Variants in GPM6B observed in about 807,000 individuals in gnomAD.
GPM6B encodes the protein glycoprotein M6B, also known as neuronal membrane glycoprotein M6-b.
Under a neutral mutation model 27.2 loss-of-function variants are expected in GPM6B, and 4 were observed. The observed-to-expected ratio is 0.15, with a 90% CI of 0.07 to 0.34. The LOEUF (loss-of-function observed/expected upper bound fraction) is 0.34, where lower values mean the gene tolerates loss of function less well. GPM6B is among the 10% of genes least tolerant of loss of function. The pLI, the probability that GPM6B is intolerant of heterozygous loss-of-function variation, is 1.00. For synonymous variants in GPM6B, 124 were observed against 103.1 expected (o/e 1.20, Z -1.23); for missense variants, 183 against 261.9 (o/e 0.70, Z 2.08).
At chrX:13,836,329 G>C (rs1377484862) in intron 1 of GPM6B, among the ~76,000 whole-genome samples, 1 of 111,614 alleles carries the variant, frequency 9.0e-6, no homozygotes, top group African/African-American at 3.3e-5. Context: ...GAAGACTCCA[G>C]ACCTTAATTT....
chrX:13,780,096 C>T (rs998292517), intron 4 of GPM6B, 107 bp from the exon 5 acceptor site: 30 of 626,810 alleles, frequency 4.8e-5, no homozygotes, highest in Non-Finnish European at 6.5e-5. Flanking sequence ...CTGTGGAACA[C>T]ATTGTGGGGA....
chrX:13,863,732 G>A (rs1375940065), intron 1 of GPM6B, among the ~76,000 whole-genome samples: 4 of 112,118 alleles, frequency 3.6e-5, no homozygotes, highest in African/African-American at 9.7e-5. Flanking sequence ...TCTTCCCACA[G>A]AAAGACTGCC....
At chrX:13,924,140 T>C (rs771229347) in intron 1 of GPM6B, among the ~76,000 whole-genome samples, 1 of 112,059 alleles carries the variant, frequency 8.9e-6, no homozygotes, top group South Asian at 3.8e-4. Context: ...AGAGTACAAT[T>C]GCTACACAGC....
chrX:13,927,233 T>C (rs183947496), intron 1 of GPM6B, among the ~76,000 whole-genome samples: 43 of 111,110 alleles, frequency 3.9e-4, no homozygotes, highest in African/African-American at 1.3e-3. Context: ...AATGTGACAA[T>C]AGCAAATGCT....
intron 1 of GPM6B, among the ~76,000 whole-genome samples, chrX:13,892,869 C>T (rs963782183): frequency 9.0e-6 from 1 of 111,685 alleles, no homozygotes; most frequent in African/African-American, 3.3e-5. Context: ...TGGGCAAGAT[C>T]CCATGTCTCT....
chrX:13,836,688 T>C (rs2049498114), intron 1 of GPM6B, among the ~76,000 whole-genome samples: 1 of 112,658 alleles, frequency 8.9e-6, no homozygotes, highest in South Asian at 3.6e-4. Context: ...TAGAATGCAA[T>C]TAACATTCCT....
upstream of GPM6B, chrX:13,938,460 G>A: frequency 2.3e-6 from 2 of 872,710 alleles, no homozygotes; most frequent in Non-Finnish European, 1.4e-6. Context: ...TCCCGGGGCG[G>A]GGGCGCGAGA....
chrX:13,926,313 C>T (rs1921193566), intron 1 of GPM6B, among the ~76,000 whole-genome samples: 1 of 107,372 alleles, frequency 9.3e-6, no homozygotes, highest in African/African-American at 3.4e-5. Context: ...GAGGCTGAAG[C>T]AGGACAATGG....
At chrX:13,817,182 G>A, upstream of GPM6B, 1 of 907,258 alleles carries the variant, frequency 1.1e-6, no homozygotes, top group East Asian at 5.1e-5. Flanking sequence ...TCGGCGCCCG[G>A]TGGTGCCTAC....
intron 1 of GPM6B, among the ~76,000 whole-genome samples, chrX:13,866,327 C>T (rs181137471): frequency 8.9e-6 from 1 of 112,390 alleles, no homozygotes; most frequent in East Asian, 2.8e-4. Context: ...CGCGCCATTG[C>T]ACTCCAGTCT....
intron 5 of GPM6B, among the ~76,000 whole-genome samples, chrX:13,777,960 T>C (rs957583353): frequency 8.9e-6 from 1 of 112,288 alleles, no homozygotes; most frequent in African/African-American, 3.2e-5. Flanking sequence ...TAAAAAACTC[T>C]GGATTTGTAC....
intron 1 of GPM6B, among the ~76,000 whole-genome samples, chrX:13,924,272 T>C (rs1196349078): frequency 1.8e-5 from 2 of 112,078 alleles, no homozygotes; most frequent in Admixed American, 9.5e-5. Flanking sequence ...AAGTATTTGG[T>C]GAATGGATAA....
chrX:13,921,582 T>TTC (rs1317804691), intron 1 of GPM6B, among the ~76,000 whole-genome samples: 7 of 16,729 alleles, frequency 4.2e-4, no homozygotes, highest in African/African-American at 1.8e-3. Flanking sequence ...ACCCCCCCCC[T>TTC]TTTTTTTTTT....
intron 7 of GPM6B, 177 bp downstream of exon 7, chrX:13,776,061 A>G (rs755829909): frequency 5.4e-5 from 25 of 459,692 alleles, no homozygotes; most frequent in Non-Finnish European, 9.2e-5. Flanking sequence ...GTGCCAAGGC[A>G]ACCAACTAAT....
At chrX:13,902,739 G>C (rs1240041380) in intron 1 of GPM6B, among the ~76,000 whole-genome samples, 1 of 111,523 alleles carries the variant, frequency 9.0e-6, no homozygotes, top group Admixed American at 9.5e-5. Context: ...TCACAGAGAA[G>C]CCCATCTCTC....
At chrX:13,817,460 T>C (rs1404176992), upstream of GPM6B, 3 of 399,931 alleles carry the variant, frequency 7.5e-6, no homozygotes, top group Admixed American at 2.7e-4. Context: ...GTGACTTTGT[T>C]GGTCGACAGC....
intron 1 of GPM6B, among the ~76,000 whole-genome samples, chrX:13,854,080 C>T (rs1887811151): frequency 9.0e-6 from 1 of 111,430 alleles, no homozygotes; most frequent in Non-Finnish European, 1.9e-5. Flanking sequence ...TGAAACTATA[C>T]CACCAGTGGC....
intron 7 of GPM6B, chrX:13,774,706 C>T (rs1194312453): frequency 1.8e-5 from 13 of 713,688 alleles, no homozygotes; most frequent in Non-Finnish European, 2.4e-5. Flanking sequence ...TGGGTGGGGA[C>T]GGGTGCCTGC....
chrX:13,785,471 A>G lies in GPM6B; in HGVS notation c.368+151T>C, dbSNP rs2048592392. 5 of 481,924 alleles carry G rather than the reference A, an allele frequency of 1.0e-5. No homozygotes were observed. The East Asian group carries it at 1.8e-4, about 18-fold the overall frequency. The allele number at this position is 481,924 out of a possible 1,213,427, so 39.7% of individuals were successfully genotyped here. ...CTAAATTTTTTTTTGTATTTTTAGT[A>G]GAGGTGGCGTTTCACCATGTTGGCC... On this transcript the variant is annotated intron_variant, in intron 3 of 7. Transcript: ENST00000316715.
Sources: gnomAD v4.1 joint callset for allele counts (sites outside exome capture counted in the v4.1 genomes callset) on GRCh38, gnomAD v4.1.1 for gene constraint, MANE v1.5 for transcripts, NCBI Gene and HGNC (gene_info 2026-07-23, HGNC 2026-07-21) for gene names.